Variants in ARHGAP18 observed in about 807,000 individuals in gnomAD.
The protein encoded by ARHGAP18 is rho GTPase-activating protein 18.
A neutral mutation model predicts 86.2 loss-of-function variants in ARHGAP18; 67 were observed. The observed-to-expected ratio is 0.78, with a 90% CI of 0.64 to 0.95. The LOEUF (loss-of-function observed/expected upper bound fraction) is 0.95, where lower values mean the gene tolerates loss of function less well. Among genes scored for constraint, ARHGAP18 ranks in the 40% least tolerant of loss-of-function variants. The pLI is 0.00. For synonymous variants in ARHGAP18, 283 were observed against 280.4 expected, an observed-to-expected ratio of 1.01 and a Z score of -0.09; for missense variants, 691 against 780.4, an observed-to-expected ratio of 0.89 and a Z score of 1.37.
rs1012316831 is a variant in ARHGAP18, at chr6:129,577,671, T to C, written c.*842A>G. On this transcript the variant is annotated 3_prime_UTR_variant, in exon 15 of 15. Transcript: ENST00000368149. ...TCATGCATATTTATAATGCTAATAATGACAACACGTAAAGCCAGCTATGAC... is the reference window on the plus strand; with the variant it reads ...TCATGCATATTTATAATGCTAATAACGACAACACGTAAAGCCAGCTATGAC... 3.9e-5 allele frequency: 6 copies of C among 152,210 alleles called. No homozygotes were observed. The highest frequency in any genetic ancestry group is 1.4e-4 in the African/African-American group (6 of 41,450). 9.4% of individuals were successfully genotyped at this position (152,210 alleles called of 1,614,324 possible).
At chr6:129,689,893 C>T (rs1774494369) in intron 1 of ARHGAP18, among the ~76,000 whole-genome samples, 1 of 152,220 alleles carries the variant, frequency 6.6e-6, no homozygotes, top group Non-Finnish European at 1.5e-5. Flanking sequence ...ATCCAGCCTT[C>T]AAATTTCCAT....
intron 1 of ARHGAP18, among the ~76,000 whole-genome samples, chr6:129,704,534 A>G (rs1168457942): frequency 6.6e-6 from 1 of 152,038 alleles, no homozygotes; most frequent in Non-Finnish European, 1.5e-5. Flanking sequence ...AGTCCTCCCT[A>G]TCTAAATTAA....
rs13218300 is a variant in ARHGAP18 at position 129,634,026 on chromosome 6, A to G, written c.616+16T>C. On this transcript the variant is annotated intron_variant, in intron 4 of 14. Transcript: ENST00000368149. The stretch of plus-strand genomic sequence containing the variant: ...GGGCGGAAAAAAAAAAAAACAAGAG[A>G]ACAGGTTCAACATACCATCTCTTCC... 121,549 of 1,580,720 alleles carry G rather than the reference A, an allele frequency of 0.077. 5,368 individuals carry two copies. Among genetic ancestry groups the G allele is most frequent in the Middle Eastern group, 0.12 (696 of 5,858 alleles).
At chr6:129,599,571 T>C (rs1788694573) in intron 11 of ARHGAP18, among the ~76,000 whole-genome samples, 1 of 152,178 alleles carries the variant, frequency 6.6e-6, no homozygotes, top group Non-Finnish European at 1.5e-5. Context: ...CGTGGTATAA[T>C]TTGCCACCCA....
chr6:129,674,427 C>G (rs1402720878), intron 1 of ARHGAP18, among the ~76,000 whole-genome samples: 1 of 152,208 alleles, frequency 6.6e-6, no homozygotes, highest in Non-Finnish European at 1.5e-5. Context: ...TTTTCTGTGA[C>G]ACGACTGATT....
chr6:129,584,445 G>C (rs149871354), intron 12 of ARHGAP18, among the ~76,000 whole-genome samples: 2,143 of 152,300 alleles, frequency 0.014, 26 homozygotes, highest in Non-Finnish European at 0.017. Context: ...TTATGAAATT[G>C]AATCAGAAAG....
intron 6 of ARHGAP18, among the ~76,000 whole-genome samples, chr6:129,616,834 T>C (rs1424870202): frequency 6.6e-6 from 1 of 152,130 alleles, no homozygotes; most frequent in Non-Finnish European, 1.5e-5. Context: ...CAGGCTCCTA[T>C]AGTCCCAGCT....
chr6:129,577,080 G>C lies in ARHGAP18; in HGVS notation c.*1433C>G, dbSNP rs1788191813. The C allele has an allele frequency of 6.6e-6, 1 of 151,940 alleles. No individual in the cohort carries two copies. Among genetic ancestry groups the C allele is most frequent in the South Asian group, 2.1e-4 (1 of 4,820 alleles). The allele number at this position is 151,940 out of a possible 1,614,324, so 9.4% of individuals were successfully genotyped here. A position where few individuals can be genotyped will look rare whatever the true frequency, so the allele number is the denominator to read the frequency against. On this transcript the variant is annotated 3_prime_UTR_variant, in exon 15 of 15. Transcript: ENST00000368149. ...ATAAACACATAGGATTAAAAGTAAT[G>C]ATTCCAAGAGAAGATAATTTAGAAA...
rs1387228289 is a variant in ARHGAP18, at chr6:129,634,197, C to T, written c.553-92G>A. On this transcript the variant is annotated intron_variant, in intron 3 of 14. Transcript: ENST00000368149. ...AATTTTGTTATTAATCTTTAGAGTA[C>T]AAGACATGTACTCAGAATTATAACA... The T allele has an allele frequency of 7.5e-6, 8 of 1,073,210 alleles. No individual in the cohort carries two copies. In the African/African-American group the frequency reaches 9.5e-5, roughly 13 times the overall value. The allele number at this position is 1,073,210 out of a possible 1,614,324, so 66.5% of individuals were successfully genotyped here. A position where few individuals can be genotyped will look rare whatever the true frequency, so the allele number is the denominator to read the frequency against.
At chr6:129,606,843 C>T (rs904034985) in intron 9 of ARHGAP18, among the ~76,000 whole-genome samples, 6 of 151,368 alleles carry the variant, frequency 4.0e-5, no homozygotes, top group Non-Finnish European at 5.9e-5. Flanking sequence ...CTGGTTGAAA[C>T]TGTAGCTCAC....
chr6:129,661,309 TA>T lies in ARHGAP18; in HGVS notation c.114-19292del, dbSNP rs11370799. ...TCAAGTCCAGCCTGTGCAAGAATCT[TA>T]AAAAAAAAAAAAAAAAAAAAGTGGG... On this transcript the variant is annotated intron_variant, in intron 1 of 14. Coordinates refer to ENST00000368149, the MANE Select transcript of ARHGAP18 (RefSeq NM_033515.3). Among the ~76,000 whole-genome samples the T allele has an allele frequency of 6.1e-3, 680 of 111,206 alleles. 5 individuals carry two copies. Among genetic ancestry groups the T allele is most frequent in the African/African-American group, 0.022 (625 of 28,500 alleles). 73.0% of individuals were successfully genotyped at this position (111,206 alleles called of 152,430 possible).
chr6:129,601,513 AAGAG>A (rs1788744504), intron 10 of ARHGAP18, among the ~76,000 whole-genome samples: 1 of 151,634 alleles, frequency 6.6e-6, no homozygotes, highest in South Asian at 2.1e-4. Context: ...GAAAAGAGAA[AAGAG>A]AGAAGAGAGA....
At chr6:129,645,898 TTG>T in intron 1 of ARHGAP18, among the ~76,000 whole-genome samples, 1 of 152,350 alleles carries the variant, frequency 6.6e-6, no homozygotes, top group South Asian at 2.1e-4. Context: ...CTTTGTTTTG[TTG>T]TATTTTCCCA....
At chr6:129,695,909 C>G (rs1255914356) in intron 1 of ARHGAP18, among the ~76,000 whole-genome samples, 1 of 152,080 alleles carries the variant, frequency 6.6e-6, no homozygotes, top group Non-Finnish European at 1.5e-5. Flanking sequence ...AGTCACGTAT[C>G]CTCTCCCTTT....
intron 12 of ARHGAP18, among the ~76,000 whole-genome samples, chr6:129,591,297 T>C (rs746614066): frequency 3.9e-5 from 6 of 152,210 alleles, no homozygotes; most frequent in Non-Finnish European, 8.8e-5. Context: ...CTCTTTCACA[T>C]GTTTTAATCT....
In ARHGAP18 at chr6:129,658,429, A is replaced by G. The variant is rs1773884975; in HGVS notation, c.114-16411T>C. Among the ~76,000 whole-genome samples, 2 of 152,114 alleles carry G rather than the reference A, an allele frequency of 1.3e-5. 1 individual carries two copies. The highest frequency in any genetic ancestry group is 4.1e-4 in the South Asian group (2 of 4,830). On this transcript the variant is annotated intron_variant, in intron 1 of 14. Transcript: ENST00000368149. Reference sequence around the variant, plus strand: ...CCTTAGGCACCTCAAATGGAAAAAAAAAAAACATAAAAGTGATAGAATCCT... The same window carrying G: ...CCTTAGGCACCTCAAATGGAAAAAAGAAAAACATAAAAGTGATAGAATCCT...
intron 8 of ARHGAP18, among the ~76,000 whole-genome samples, chr6:129,610,950 G>A (rs944428796): frequency 1.5e-4 from 23 of 152,126 alleles, no homozygotes; most frequent in Middle Eastern, 3.4e-3. Context: ...AGGCTGGAGT[G>A]CAGTGGGACA....
intron 8 of ARHGAP18, among the ~76,000 whole-genome samples, chr6:129,610,548 C>T (rs753702421): frequency 1.3e-5 from 2 of 152,162 alleles, no homozygotes; most frequent in African/African-American, 2.4e-5. Flanking sequence ...GAGAGTGTCT[C>T]GTCTGGCCGG....
Position 129,578,575 on chromosome 6 carries a change from T to G in ARHGAP18, c.1930A>C (p.Met644Leu). 3 of 1,611,874 alleles carry G rather than the reference T, an allele frequency of 1.9e-6. No individual in the cohort carries two copies. Among genetic ancestry groups the G allele is most frequent in the Non-Finnish European group, 2.5e-6 (3 of 1,178,632 alleles). Residue 644 changes from methionine (M) to leucine (L), a missense_variant, in exon 15 of 15, where the codon ATG becomes CTG. Transcript: ENST00000368149. ...GERCLDDDTYMKDLYQLNPNA... is the reference protein window; with the variant it reads ...GERCLDDDTYLKDLYQLNPNA... ...GGGTTAAGCTGATATAAATCCTTCATGTAAGTGTCATCATCAAGGCAGCGT... is the reference window on the plus strand; with the variant it reads ...GGGTTAAGCTGATATAAATCCTTCAGGTAAGTGTCATCATCAAGGCAGCGT...
Sources: allele counts gnomAD v4.1 joint callset (sites outside exome capture counted in the v4.1 genomes callset), GRCh38; gene constraint gnomAD v4.1.1; transcripts MANE v1.5; gene names NCBI Gene and HGNC (gene_info 2026-07-23, HGNC 2026-07-21).